The following DPH6 variants were observed in gnomAD, a reference collection of about 807,000 sequenced individuals.
DPH6 encodes diphthamine biosynthesis 6.
A neutral mutation model predicts 38.2 loss-of-function variants in DPH6; 33 were observed. The ratio of observed to expected loss-of-function variants is 0.86; its 90% CI spans 0.65 to 1.15. DPH6 has a LOEUF of 1.15. DPH6 is among the 50% of genes most tolerant of loss of function. The pLI is 0.00. For missense variants in DPH6, 325 were observed against 320.0 expected, an observed-to-expected ratio of 1.02 and a Z score of -0.12; for synonymous variants, 108 against 103.0, an observed-to-expected ratio of 1.05 and a Z score of -0.30.
At chr15:35,417,587 C>G (rs1178742949) in intron 5 of DPH6, among the ~76,000 whole-genome samples, 1 of 151,960 alleles carries the variant, frequency 6.6e-6, no homozygotes, top group Non-Finnish European at 1.5e-5. Context: ...ATTTACTTTA[C>G]CAACAAGAAG....
chr15:35,521,098 A>T (rs894558960), intron 3 of DPH6: 1 of 985,272 alleles, frequency 1.0e-6, no homozygotes, highest in East Asian at 1.1e-4. Context: ...TTCAGCCAAT[A>T]AAAGTCAAAA....
downstream of DPH6, among the ~76,000 whole-genome samples, chr15:35,215,653 C>A (rs577104288): frequency 1.3e-5 from 2 of 152,316 alleles, no homozygotes; most frequent in East Asian, 3.9e-4. Context: ...ATTACAGGTG[C>A]TAGCCACTAC....
chr15:35,184,133 A>C, the DPH6 span, among the ~76,000 whole-genome samples: 6 of 152,178 alleles, frequency 3.9e-5, no homozygotes, highest in Non-Finnish European at 7.4e-5. Flanking sequence ...ACAATCAATA[A>C]ATTTATCTGC....
At chr15:35,491,305 G>A (rs1445889218) in intron 3 of DPH6, among the ~76,000 whole-genome samples, 1 of 152,068 alleles carries the variant, frequency 6.6e-6, no homozygotes, top group Non-Finnish European at 1.5e-5. Flanking sequence ...GTAAACACGA[G>A]CACCATCAGG....
At chr15:35,355,316 G>C (rs974824922) in intron 3 of DPH6, among the ~76,000 whole-genome samples, 1 of 152,144 alleles carries the variant, frequency 6.6e-6, no homozygotes, top group African/African-American at 2.4e-5. Context: ...GTGTGAATTT[G>C]ATCCTGTCAT....
intron 3 of DPH6, among the ~76,000 whole-genome samples, chr15:35,491,104 T>C (rs1329643276): frequency 6.6e-6 from 1 of 152,124 alleles, no homozygotes; most frequent in African/African-American, 2.4e-5. Flanking sequence ...TATCATTACA[T>C]TGGCAATTAA....
intron 2 of DPH6, among the ~76,000 whole-genome samples, chr15:35,538,745 AAAGAG>A (rs1405405243): frequency 1.3e-5 from 2 of 152,180 alleles, no homozygotes; most frequent in African/African-American, 4.8e-5. Flanking sequence ...GTAAACATTT[AAAGAG>A]AAGAGTAATG....
the DPH6 span, among the ~76,000 whole-genome samples, chr15:35,148,199 T>C: frequency 6.6e-6 from 1 of 152,236 alleles, no homozygotes; most frequent in African/African-American, 2.4e-5. Context: ...CCTGTATATC[T>C]ATTTCTGCCA....
intron 5 of DPH6, among the ~76,000 whole-genome samples, chr15:35,435,116 A>G (rs2053680845): frequency 6.6e-6 from 1 of 152,108 alleles, no homozygotes; most frequent in Admixed American, 6.6e-5. Flanking sequence ...TATTGTTAGA[A>G]ATAAAGTAAA....
intron 6 of DPH6, among the ~76,000 whole-genome samples, chr15:35,409,488 G>A (rs1444320154): frequency 6.6e-6 from 1 of 151,960 alleles, no homozygotes. Context: ...ACATCGTGGT[G>A]CTTCTCAAAA....
intron 3 of DPH6, chr15:35,282,921 A>G (rs2051909121): frequency 1.2e-5 from 4 of 342,976 alleles, no homozygotes; most frequent in Admixed American, 6.5e-5. Flanking sequence ...AAGAACATCA[A>G]CAATACTTGG....
the DPH6 span, among the ~76,000 whole-genome samples, chr15:35,151,767 G>A: frequency 5.3e-5 from 8 of 152,342 alleles, no homozygotes; most frequent in African/African-American, 1.9e-4. Flanking sequence ...AAAGGAATAA[G>A]TGAATGAATA....
chr15:35,241,641 T>C (rs909745258), intron 3 of DPH6, among the ~76,000 whole-genome samples: 3 of 142,162 alleles, frequency 2.1e-5, no homozygotes, highest in African/African-American at 7.7e-5. Flanking sequence ...TGCGTCCTCC[T>C]CTTGTATTCC....
chr15:35,401,784 A>C (rs2053223261), intron 6 of DPH6: 3 of 634,060 alleles, frequency 4.7e-6, no homozygotes, highest in Non-Finnish European at 2.9e-6. Flanking sequence ...GCCAGGAAAC[A>C]AAGCTTAACA....
rs375837579 is a variant in DPH6, at chr15:35,480,365, A to G, written c.313-25545T>C. Among the ~76,000 whole-genome samples, 78 of 152,260 alleles carry G rather than the reference A, an allele frequency of 5.1e-4. No homozygotes were observed. In the East Asian group the frequency reaches 0.013, roughly 24 times the overall value. On this transcript the variant is annotated intron_variant, in intron 3 of 8. Coordinates refer to ENST00000256538, the MANE Select transcript of DPH6 (RefSeq NM_080650.4). Reference sequence around the variant, plus strand: ...ATCCTATGTAAGGATGACCTTCATCAGAGACCTGATGATGATTTTTAAAAC... The same window carrying G: ...ATCCTATGTAAGGATGACCTTCATCGGAGACCTGATGATGATTTTTAAAAC...
At chr15:35,216,942 A>G (rs956083678), downstream of DPH6, among the ~76,000 whole-genome samples, 4 of 152,230 alleles carry the variant, frequency 2.6e-5, no homozygotes, top group Admixed American at 2.6e-4. Context: ...GACAGAATGT[A>G]AAGGAAAGGA....
At chr15:35,223,040 C>T (rs1182276944) in intron 3 of DPH6, among the ~76,000 whole-genome samples, 1 of 152,174 alleles carries the variant, frequency 6.6e-6, no homozygotes, top group Non-Finnish European at 1.5e-5. Flanking sequence ...CAAGTTATAA[C>T]AACTCTCCAC....
chr15:35,530,541 A>G (rs918182003), intron 3 of DPH6, among the ~76,000 whole-genome samples: 5 of 152,212 alleles, frequency 3.3e-5, no homozygotes, highest in African/African-American at 1.2e-4. Context: ...ACTCTGGGAA[A>G]AGATAAATAC....
chr15:35,298,456 T>C, intron 3 of DPH6: 1 of 761,592 alleles, frequency 1.3e-6, no homozygotes, highest in South Asian at 1.3e-5. Context: ...CTTTGAGATA[T>C]TTTTCACGTT....
Sources: gnomAD v4.1 joint callset for allele counts (sites outside exome capture counted in the v4.1 genomes callset) on GRCh38, gnomAD v4.1.1 for gene constraint, MANE v1.5 for transcripts, NCBI Gene and HGNC (gene_info 2026-07-23, HGNC 2026-07-21) for gene names.